AACS: variants seen among roughly 807,000 people sequenced by gnomAD.
AACS encodes the protein acetoacetate-CoA ligase.
A neutral mutation model predicts 83.1 loss-of-function variants in AACS; 69 were observed. The ratio of observed to expected loss-of-function variants is 0.83; its 90% CI spans 0.68 to 1.01. The LOEUF (loss-of-function observed/expected upper bound fraction) is 1.01, where lower values mean the gene tolerates loss of function less well. Ranked by LOEUF, AACS falls within the 50% of genes least tolerant of loss-of-function variation. The pLI, the probability that AACS is intolerant of heterozygous loss-of-function variation, is 0.00. For synonymous variants in AACS, 333 were observed against 343.4 expected (o/e 0.97, Z 0.33); for missense variants, 866 against 882.2 (o/e 0.98, Z 0.23).
At chr12:125,141,136 G>A (rs910020460) in intron 17 of AACS, 5 of 152,228 alleles carry the variant, frequency 3.3e-5, no homozygotes, top group African/African-American at 1.2e-4. Flanking sequence ...CCCCCAGATG[G>A]GGTGGCAGGA....
At chr12:125,125,953 G>A (rs553245474) in intron 12 of AACS, 1 of 141,276 alleles carries the variant, frequency 7.1e-6, no homozygotes, top group Non-Finnish European at 1.5e-5. Flanking sequence ...TGGATTCCAA[G>A]TGAATTTTTT....
At chr12:125,141,434 C>G (rs1957487837) in intron 17 of AACS, 1 of 152,380 alleles carries the variant, frequency 6.6e-6, no homozygotes, top group South Asian at 2.1e-4. Flanking sequence ...CGCCTGTGAT[C>G]CTAGCACTTT....
chr12:125,093,300 G>A (rs774628873), intron 5 of AACS, among the ~76,000 whole-genome samples: 3 of 152,250 alleles, frequency 2.0e-5, no homozygotes, highest in Non-Finnish European at 4.4e-5. Flanking sequence ...AACTGGAATC[G>A]GCCTTTGGTG....
Position 125,107,144 on chromosome 12 carries a change from C to A in AACS, c.791C>A (p.Ala264Asp). Residue 264 changes from alanine to aspartate, a missense_variant, in exon 8 of 18, where the codon GCC (alanine) becomes GAC (aspartate). Physicochemically the swap from Ala to Asp is moderately radical, Grantham distance 126. Transcript: ENST00000316519. The stretch of plus-strand genomic sequence containing the variant: ...AGTGTGTTTCTGGATGACTTTCTTG[C>A]CACCGGCACCAGTGAGCAGGCCCCG... Reference protein sequence around the residue: ...PNSVFLDDFLATGTSEQAPQL... With the variant: ...PNSVFLDDFLDTGTSEQAPQL... 1 of 1,614,146 alleles carries A rather than the reference C, an allele frequency of 6.2e-7. No individual in the cohort carries two copies. Among genetic ancestry groups the A allele is most frequent in the Non-Finnish European group, 8.5e-7 (1 of 1,180,028 alleles).
At chr12:125,080,049 C>T (rs1185996884) in intron 3 of AACS, among the ~76,000 whole-genome samples, 1 of 152,172 alleles carries the variant, frequency 6.6e-6, no homozygotes, top group African/African-American at 2.4e-5. Context: ...CCTTTTATGT[C>T]CTAGTAATCT....
At chr12:125,093,798 C>G (rs914241891) in intron 5 of AACS, among the ~76,000 whole-genome samples, 19 of 152,248 alleles carry the variant, frequency 1.2e-4, no homozygotes, top group African/African-American at 4.6e-4. Context: ...TAGACTCCAT[C>G]CTGCCGGAGA....
chr12:125,114,215 G>C (rs1159363421), intron 8 of AACS, among the ~76,000 whole-genome samples: 1 of 151,620 alleles, frequency 6.6e-6, no homozygotes, highest in East Asian at 1.9e-4. Context: ...GGCACCGAGA[G>C]CTTGAGGGCA....
chr12:125,092,902 C>G (rs1956519792), intron 5 of AACS, among the ~76,000 whole-genome samples: 1 of 152,200 alleles, frequency 6.6e-6, no homozygotes, highest in African/African-American at 2.4e-5. Context: ...GGGAAGGGCC[C>G]CAGGGTGAGA....
At chr12:125,100,146 G>A (rs1239751011) in intron 5 of AACS, among the ~76,000 whole-genome samples, 3 of 152,198 alleles carry the variant, frequency 2.0e-5, no homozygotes, top group South Asian at 2.1e-4. Flanking sequence ...CTCCCACGTA[G>A]CTGGGATTAC....
chr12:125,094,097 G>A lies in AACS; in HGVS notation c.570+2574G>A, dbSNP rs930681465. On this transcript the variant is annotated intron_variant, in intron 5 of 17. Coordinates refer to ENST00000316519, the MANE Select transcript of AACS (RefSeq NM_023928.5). The surrounding 1 kb of genome is among the most constrained non-coding windows in gnomAD (Gnocchi z 4.1). ...CCTTGTTCAGGGGCTAAAACTAACA[G>A]GGATGAATTCCTGGAGTTGCTGATG... 6.6e-6 allele frequency among the ~76,000 whole-genome samples: 1 copy of A among 152,208 alleles called. No individual in the cohort carries two copies. Among genetic ancestry groups the A allele is most frequent in the African/African-American group, 2.4e-5 (1 of 41,452 alleles).
rs141903159 is a variant in AACS, at chr12:125,096,895, C to T, written c.570+5372C>T. On this transcript the variant is annotated intron_variant, in intron 5 of 17. Transcript: ENST00000316519. ...CCTTGTTCCAGTGCCAGTGCCCAGG[C>T]GCTGGTCTAGGGGGTGAAGACTTCT... Among the ~76,000 whole-genome samples the T allele has an allele frequency of 4.0e-5, 6 of 151,828 alleles. No individual in the cohort carries two copies. The East Asian group carries it at 1.2e-3, about 29-fold the overall frequency.
chr12:125,123,970 T>C (rs1440440516), intron 10 of AACS: 1 of 152,276 alleles, frequency 6.6e-6, no homozygotes, highest in Non-Finnish European at 1.5e-5. Context: ...TGGACTTTTC[T>C]AAGTTTCATA....
At chr12:125,104,306 G>A (rs1219240576) in intron 7 of AACS, among the ~76,000 whole-genome samples, 3 of 152,236 alleles carry the variant, frequency 2.0e-5, no homozygotes, top group Admixed American at 6.5e-5. Context: ...GGGGACCAGA[G>A]GTGGAAGAGA....
At chr12:125,111,442 A>G (rs978578539) in intron 8 of AACS, among the ~76,000 whole-genome samples, 1 of 152,270 alleles carries the variant, frequency 6.6e-6, no homozygotes, top group African/African-American at 2.4e-5. Context: ...TGTATTAGAT[A>G]TAATATAGCT....
intron 4 of AACS, among the ~76,000 whole-genome samples, chr12:125,089,318 C>T (rs1956409664): frequency 6.6e-6 from 1 of 152,108 alleles, no homozygotes; most frequent in African/African-American, 2.4e-5. Flanking sequence ...ACACCCACTG[C>T]AGGGGGGAGA....
chr12:125,109,934 C>T (rs764719507), intron 8 of AACS, among the ~76,000 whole-genome samples: 44 of 151,978 alleles, frequency 2.9e-4, no homozygotes, highest in Non-Finnish European at 1.0e-4. Flanking sequence ...GTGCATCTAT[C>T]GGGGGGATAC....
intron 7 of AACS, among the ~76,000 whole-genome samples, chr12:125,103,797 G>A (rs1956770118): frequency 6.6e-6 from 1 of 151,740 alleles, no homozygotes; most frequent in African/African-American, 2.4e-5. Flanking sequence ...GACCATCCTG[G>A]CTAACACGGT....
chr12:125,129,030 A>G lies in AACS; in HGVS notation c.1424-305A>G, dbSNP rs1040961452. 8.3e-6 allele frequency: 2 copies of G among 242,236 alleles called. No individual in the cohort carries two copies. The highest frequency in any genetic ancestry group is 1.6e-5 in the Non-Finnish European group (2 of 125,158). 15.0% of individuals were successfully genotyped at this position (242,236 alleles called of 1,614,324 possible). A position where few individuals can be genotyped will look rare whatever the true frequency, so the allele number is the denominator to read the frequency against. ...GGACAGCGTGTATGTGTTCAAAGGC[A>G]TGCAGAGTGACGACATATGCTATTC... On this transcript the variant is annotated intron_variant, in intron 13 of 17. Coordinates refer to ENST00000316519, the MANE Select transcript of AACS (RefSeq NM_023928.5). This position sits in a 1 kb window ranked among gnomAD's most constrained non-coding sequence, Gnocchi z 4.3.
intron 4 of AACS, 106 bp from the exon 5 acceptor site, chr12:125,091,320 C>A: frequency 1.7e-6 from 2 of 1,157,602 alleles, no homozygotes; most frequent in South Asian, 1.3e-5. Context: ...CAGTTCAAGG[C>A]CAGCCCCCTT....
Sources: gnomAD v4.1 joint callset for allele counts (sites outside exome capture counted in the v4.1 genomes callset) on GRCh38, gnomAD v4.1.1 for gene constraint, Gnocchi (gnomAD v3.1) non-coding constraint, MANE v1.5 for transcripts, NCBI Gene and HGNC (gene_info 2026-07-23, HGNC 2026-07-21) for gene names.